Variants in NPAS2 observed in about 807,000 individuals in gnomAD.
The protein encoded by NPAS2 is neuronal PAS domain protein 2.
Under a neutral mutation model 107.5 loss-of-function variants are expected in NPAS2, and 23 were observed. That is an observed-to-expected ratio of 0.21 (90% CI 0.15 to 0.30). NPAS2 has a LOEUF of 0.30. NPAS2 is among the 10% of genes least tolerant of loss of function. NPAS2 has a pLI of 1.00. For synonymous variants in NPAS2, 403 were observed against 417.5 expected, an observed-to-expected ratio of 0.97 and a Z score of 0.42; for missense variants, 756 against 1,043.3, an observed-to-expected ratio of 0.72 and a Z score of 3.79.
intron 1 of NPAS2, chr2:100,821,059 C>G (rs1288110410): frequency 9.2e-6 from 12 of 1,303,980 alleles, no homozygotes; most frequent in Non-Finnish European, 1.2e-5. Flanking sequence ...GGAGATGTGC[C>G]CCTTTCCCAG....
chr2:100,932,121 G>A (rs551812425), intron 3 of NPAS2, among the ~76,000 whole-genome samples: 1 of 152,196 alleles, frequency 6.6e-6, no homozygotes, highest in African/African-American at 2.4e-5. Context: ...TAAGATGGAG[G>A]ATAAACTGAA....
At chr2:100,947,455 G>A (rs1674967958) in intron 5 of NPAS2, among the ~76,000 whole-genome samples, 1 of 151,836 alleles carries the variant, frequency 6.6e-6, no homozygotes, top group Non-Finnish European at 1.5e-5. Context: ...GGAGGCTGAG[G>A]CAGGAGAATC....
intron 7 of NPAS2, among the ~76,000 whole-genome samples, chr2:100,959,013 G>A (rs1235017340): frequency 1.4e-5 from 2 of 146,700 alleles, no homozygotes; most frequent in East Asian, 2.1e-4. Flanking sequence ...TGTAATCCCC[G>A]CACTTTGAGA....
chr2:100,882,881 G>C (rs1680461138), intron 1 of NPAS2, among the ~76,000 whole-genome samples: 1 of 152,184 alleles, frequency 6.6e-6, no homozygotes, highest in African/African-American at 2.4e-5. Flanking sequence ...TCTGAGACCT[G>C]TTCCTCCTCG....
intron 1 of NPAS2, among the ~76,000 whole-genome samples, chr2:100,868,897 C>T (rs538387521): frequency 6.6e-5 from 10 of 152,084 alleles, no homozygotes; most frequent in African/African-American, 2.4e-4. Flanking sequence ...ATTTTTAAGC[C>T]TCATGTTTAT....
upstream of NPAS2, among the ~76,000 whole-genome samples, chr2:100,819,328 G>A (rs922302653): frequency 3.3e-5 from 5 of 152,124 alleles, no homozygotes; most frequent in African/African-American, 1.2e-4. This position sits in a 1 kb window ranked among gnomAD's most constrained non-coding sequence, Gnocchi z 5.8. Flanking sequence ...GGGGAGGGGG[G>A]CAATTAGCCG....
Position 100,988,184 on chromosome 2 carries a change from C to T in NPAS2, c.1735C>T (p.Leu579Phe). The T allele has an allele frequency of 3.7e-6, 6 of 1,614,192 alleles. No homozygotes were observed. Among genetic ancestry groups the T allele is most frequent in the Non-Finnish European group, 5.1e-6 (6 of 1,180,028 alleles). ...GTCAGCTGCAGTGACTCAGCCCCAGCTCGGGGCGGGCCCCCAACTTCCAGG... is the reference window on the plus strand; with the variant it reads ...GTCAGCTGCAGTGACTCAGCCCCAGTTCGGGGCGGGCCCCCAACTTCCAGG... ...QRSAAVTQPQ[L>F]GAGPQLPGQI... The change falls in exon 17 of 21, where the codon CTC becomes TTC. Residue 579 changes from leucine to phenylalanine, a missense_variant. Coordinates refer to ENST00000335681, the MANE Select transcript of NPAS2 (RefSeq NM_002518.4).
chr2:100,983,034 A>G (rs1677555664), intron 16 of NPAS2: 1 of 152,426 alleles, frequency 6.6e-6, no homozygotes, highest in Admixed American at 6.5e-5. Context: ...ATCTCTTTTA[A>G]TAATATATAA....
At chr2:100,944,017 T>G (rs1371429757) in intron 5 of NPAS2, among the ~76,000 whole-genome samples, 2 of 152,232 alleles carry the variant, frequency 1.3e-5, no homozygotes, top group Non-Finnish European at 2.9e-5. Context: ...CTTTTATATC[T>G]CAATTAATTC....
At chr2:100,930,054 TATAAG>T (rs1176541567) in intron 3 of NPAS2, among the ~76,000 whole-genome samples, 1 of 152,188 alleles carries the variant, frequency 6.6e-6, no homozygotes, top group African/African-American at 2.4e-5. Flanking sequence ...CAGTAGCTAT[TATAAG>T]AGAGAAATCC....
intron 1 of NPAS2, among the ~76,000 whole-genome samples, chr2:100,833,505 A>G (rs979816771): frequency 5.9e-5 from 9 of 152,370 alleles, no homozygotes; most frequent in East Asian, 1.9e-4. Context: ...TAAAACCCCA[A>G]CATATCCCAG....
At chr2:100,832,367 A>G (rs897157533) in intron 1 of NPAS2, among the ~76,000 whole-genome samples, 2 of 151,996 alleles carry the variant, frequency 1.3e-5, no homozygotes, top group African/African-American at 4.8e-5. Context: ...CGCTTACCTG[A>G]CGGTTGCCAT....
At chr2:100,875,575 C>T (rs1217508875) in intron 1 of NPAS2, among the ~76,000 whole-genome samples, 1 of 152,072 alleles carries the variant, frequency 6.6e-6, no homozygotes, top group East Asian at 1.9e-4. Flanking sequence ...CTTTCCTTAG[C>T]TGGTTCCTAC....
chr2:100,882,503 T>G (rs1260648789), intron 1 of NPAS2, among the ~76,000 whole-genome samples: 1 of 152,096 alleles, frequency 6.6e-6, no homozygotes, highest in Non-Finnish European at 1.5e-5. Flanking sequence ...TCCCAGCTAC[T>G]CGGGAGGCTG....
intron 1 of NPAS2, among the ~76,000 whole-genome samples, chr2:100,841,338 T>C (rs573995839): frequency 6.6e-6 from 1 of 152,178 alleles, no homozygotes; most frequent in Non-Finnish European, 1.5e-5. Flanking sequence ...CTTTGGAGAC[T>C]GAGGCAGGAG....
At chr2:100,993,893 C>A (rs1222562774) in intron 20 of NPAS2, 6 of 203,168 alleles carry the variant, frequency 3.0e-5, no homozygotes, top group Non-Finnish European at 5.9e-5. Flanking sequence ...TTTATAAAGT[C>A]CTATATAAAC....
At chr2:100,841,906 CAT>C (rs946296947) in intron 1 of NPAS2, among the ~76,000 whole-genome samples, 10 of 152,152 alleles carry the variant, frequency 6.6e-5, no homozygotes, top group African/African-American at 1.9e-4. Flanking sequence ...AAGGTGCACA[CAT>C]ATAACTGCAC....
intron 1 of NPAS2, among the ~76,000 whole-genome samples, chr2:100,882,635 A>G (rs1680442124): frequency 6.6e-6 from 1 of 152,106 alleles, no homozygotes; most frequent in Admixed American, 6.5e-5. Flanking sequence ...CAAACAAAAA[A>G]CGATGGGGTC....
intron 1 of NPAS2, among the ~76,000 whole-genome samples, chr2:100,893,854 C>T (rs1350569116): frequency 1.3e-5 from 2 of 152,208 alleles, no homozygotes; most frequent in African/African-American, 4.8e-5. Context: ...AGACTGGATG[C>T]TCTGCACCTA....
Sources: gnomAD v4.1 joint callset for allele counts (sites outside exome capture counted in the v4.1 genomes callset) on GRCh38, gnomAD v4.1.1 for gene constraint, Gnocchi (gnomAD v3.1) non-coding constraint, MANE v1.5 for transcripts, NCBI Gene and HGNC (gene_info 2026-07-23, HGNC 2026-07-21) for gene names.